Variants in FTO observed in about 807,000 individuals in gnomAD.
FTO encodes FTO alpha-ketoglutarate dependent dioxygenase, also known as alpha-ketoglutarate-dependent dioxygenase FTO.
In FTO, 47 loss-of-function variants were observed where a neutral mutation model predicts 63.9. The observed-to-expected ratio is 0.74, with a 90% CI of 0.58 to 0.94. The LOEUF (loss-of-function observed/expected upper bound fraction) is 0.94. Ranked by LOEUF, FTO falls within the 40% of genes least tolerant of loss-of-function variation. The pLI is 0.00. For missense variants in FTO, 562 were observed against 618.1 expected, an observed-to-expected ratio of 0.91 and a Z score of 0.96; for synonymous variants, 207 against 224.4, an observed-to-expected ratio of 0.92 and a Z score of 0.69.
At chr16:54,105,338 T>C (rs779201213) in intron 8 of FTO, among the ~76,000 whole-genome samples, 2 of 152,228 alleles carry the variant, frequency 1.3e-5, no homozygotes, top group Non-Finnish European at 2.9e-5. Flanking sequence ...TCTGAAATGA[T>C]TTGGAATGTC....
chr16:54,010,396 ACT>A (rs2084308233), intron 8 of FTO, among the ~76,000 whole-genome samples: 1 of 152,098 alleles, frequency 6.6e-6, no homozygotes, highest in African/African-American at 2.4e-5. Flanking sequence ...ACAGAGCAAG[ACT>A]CTGCCTCAAA....
At chr16:53,905,571 T>C (rs1248329680) in intron 7 of FTO, among the ~76,000 whole-genome samples, 1 of 152,206 alleles carries the variant, frequency 6.6e-6, no homozygotes, top group East Asian at 1.9e-4. Flanking sequence ...GGTTTGTGCA[T>C]ATGTATAATC....
intron 8 of FTO, chr16:53,937,450 G>A: frequency 2.5e-6 from 1 of 392,688 alleles, no homozygotes; most frequent in Non-Finnish European, 4.5e-6. Context: ...AGGTCAGTCT[G>A]CAGCTAATAA....
intron 8 of FTO, among the ~76,000 whole-genome samples, chr16:54,103,335 G>A (rs2086680323): frequency 6.6e-6 from 1 of 152,150 alleles, no homozygotes; most frequent in African/African-American, 2.4e-5. Context: ...AAAAGTAGAT[G>A]TATATACAAC....
intron 1 of FTO, among the ~76,000 whole-genome samples, chr16:53,799,010 C>T (rs2078151501): frequency 6.6e-6 from 1 of 152,142 alleles, no homozygotes; most frequent in Non-Finnish European, 1.5e-5. Context: ...CTTTCTTAGC[C>T]TGATAATATG....
At chr16:53,950,298 G>A (rs554211354) in intron 8 of FTO, among the ~76,000 whole-genome samples, 2 of 152,018 alleles carry the variant, frequency 1.3e-5, no homozygotes, top group South Asian at 4.2e-4. Flanking sequence ...GTCTTCAAGC[G>A]TCAAAAAGCC....
intron 2 of FTO, among the ~76,000 whole-genome samples, chr16:53,816,225 C>T (rs899548819): frequency 1.2e-4 from 18 of 152,160 alleles, no homozygotes; most frequent in African/African-American, 4.1e-4. Context: ...AATCTGACTG[C>T]TTCTCACCAC....
chr16:54,030,251 C>T (rs960840114), intron 8 of FTO, among the ~76,000 whole-genome samples: 2 of 152,098 alleles, frequency 1.3e-5, no homozygotes, highest in South Asian at 2.1e-4. Flanking sequence ...ATGAAATTAA[C>T]GTAGATTAAG....
intron 1 of FTO, among the ~76,000 whole-genome samples, chr16:53,803,689 T>G (rs1202752160): frequency 6.6e-6 from 1 of 152,186 alleles, no homozygotes; most frequent in Non-Finnish European, 1.5e-5. Context: ...TTGTGATTCT[T>G]TCATAAGCAG....
chr16:53,995,784 C>T (rs896971456), intron 8 of FTO, among the ~76,000 whole-genome samples: 1 of 152,148 alleles, frequency 6.6e-6, no homozygotes. Context: ...CTCTGCCAGC[C>T]TGAGATGGTA....
At chr16:53,882,202 C>T (rs1006745227) in intron 6 of FTO, among the ~76,000 whole-genome samples, 3 of 152,028 alleles carry the variant, frequency 2.0e-5, no homozygotes, top group South Asian at 2.1e-4. Context: ...AAAATGTTCT[C>T]ATGCATCCTT....
At chr16:53,729,541 T>A (rs771400613) in intron 1 of FTO, among the ~76,000 whole-genome samples, 1 of 151,724 alleles carries the variant, frequency 6.6e-6, no homozygotes, top group Non-Finnish European at 1.5e-5. Flanking sequence ...GTCACTCCAC[T>A]GTTCACAATT....
rs150152575 is a variant in FTO at position 53,834,557 on chromosome 16, T to C, written c.751+8066T>C. On this transcript the variant is annotated intron_variant, in intron 3 of 8. Coordinates refer to ENST00000471389, the MANE Select transcript of FTO (RefSeq NM_001080432.3). ...TGTATCCACCTCAAGATTGTGAGAA[T>C]TAAACACTTGTAAAGTGCCAAGAAC... Among the ~76,000 whole-genome samples the C allele has an allele frequency of 1.1e-3, 163 of 152,332 alleles. 6 individuals are homozygous for C. In the South Asian group the frequency reaches 0.017, roughly 16 times the overall value.
At chr16:53,783,626 A>AAAAT in intron 1 of FTO, among the ~76,000 whole-genome samples, 1 of 148,636 alleles carries the variant, frequency 6.7e-6, no homozygotes, top group Admixed American at 6.7e-5. Flanking sequence ...AAAAAAAAAA[A>AAAAT]AGTAAAAGAA....
At chr16:54,101,231 T>G (rs2086636783) in intron 8 of FTO, among the ~76,000 whole-genome samples, 1 of 152,030 alleles carries the variant, frequency 6.6e-6, no homozygotes, top group Non-Finnish European at 1.5e-5. Flanking sequence ...CATCACCCGG[T>G]TATTAAGCCC....
intron 8 of FTO, among the ~76,000 whole-genome samples, chr16:54,086,545 A>C (rs535779233): frequency 1.3e-3 from 205 of 152,358 alleles, no homozygotes; most frequent in African/African-American, 4.6e-3. Flanking sequence ...AACTAATTGC[A>C]GTGAGGACAG....
intron 1 of FTO, among the ~76,000 whole-genome samples, chr16:53,723,422 G>C (rs2076084608): frequency 2.0e-5 from 3 of 152,168 alleles, no homozygotes; most frequent in Non-Finnish European, 4.4e-5. Context: ...AGTGTACAAT[G>C]AATATGGTAA....
intron 8 of FTO, among the ~76,000 whole-genome samples, chr16:54,041,514 C>T (rs2085074497): frequency 6.6e-6 from 1 of 152,162 alleles, no homozygotes; most frequent in Non-Finnish European, 1.5e-5. Context: ...CAAAGAAATA[C>T]ATGGCTATGA....
intron 2 of FTO, chr16:53,814,752 G>C (rs1246141885): frequency 6.6e-6 from 1 of 152,224 alleles, no homozygotes; most frequent in Non-Finnish European, 1.5e-5. Context: ...GGCTCTACCT[G>C]AAAGTCTTCC....
Sources: gnomAD v4.1 joint callset for allele counts (sites outside exome capture counted in the v4.1 genomes callset) on GRCh38, gnomAD v4.1.1 for gene constraint, MANE v1.5 for transcripts, NCBI Gene and HGNC (gene_info 2026-07-23, HGNC 2026-07-21) for gene names.